CRTAM: variants seen among roughly 807,000 people sequenced by gnomAD.
CRTAM encodes the protein cytotoxic and regulatory T cell molecule.
Under a neutral mutation model 50.0 loss-of-function variants are expected in CRTAM, and 44 were observed. That is an observed-to-expected ratio of 0.88 (90% CI 0.69 to 1.13). The LOEUF is 1.13. Ranked by LOEUF, CRTAM falls within the 50% of genes most tolerant of loss-of-function variation. The pLI is 0.00. For missense variants in CRTAM, 448 were observed against 457.5 expected, an observed-to-expected ratio of 0.98 and a Z score of 0.19; for synonymous variants, 159 against 169.3, an observed-to-expected ratio of 0.94 and a Z score of 0.47.
intron 6 of CRTAM, among the ~76,000 whole-genome samples, chr11:122,864,023 A>C (rs1422288298): frequency 1.3e-5 from 2 of 152,190 alleles, no homozygotes; most frequent in South Asian, 4.1e-4. Flanking sequence ...GATTTTTTAT[A>C]ATTTATCTTA....
chr11:122,844,695 A>G (rs1172525140), intron 1 of CRTAM, among the ~76,000 whole-genome samples: 1 of 152,228 alleles, frequency 6.6e-6, no homozygotes, highest in Non-Finnish European at 1.5e-5. Context: ...GTTGTCCTCT[A>G]GAAACTTCAG....
At chr11:122,841,991 T>C (rs1861804756) in intron 1 of CRTAM, among the ~76,000 whole-genome samples, 1 of 152,090 alleles carries the variant, frequency 6.6e-6, no homozygotes, top group Non-Finnish European at 1.5e-5. Context: ...GAGTCTTGAG[T>C]TGGGTCTTAA....
At chr11:122,846,748 A>G (rs142665155) in intron 1 of CRTAM, among the ~76,000 whole-genome samples, 2 of 152,324 alleles carry the variant, frequency 1.3e-5, no homozygotes, top group Non-Finnish European at 2.9e-5. Flanking sequence ...AGAACTCATT[A>G]TCACCATTTG....
rs542801975 is a variant in CRTAM, at chr11:122,872,467, A to T, written c.*1068A>T. 25 of 152,744 alleles carry T rather than the reference A, an allele frequency of 1.6e-4. No individual in the cohort carries two copies. The highest frequency in any genetic ancestry group is 5.8e-4 in the African/African-American group (24 of 41,546). The allele number at this position is 152,744 out of a possible 1,614,324, so 9.5% of individuals were successfully genotyped here. A position where few individuals can be genotyped will look rare whatever the true frequency, so the allele number is the denominator to read the frequency against. On this transcript the variant is annotated 3_prime_UTR_variant, in exon 10 of 10. Transcript: ENST00000227348. ...AATGTTTTAATAAAAAGCAGAATAG[A>T]TGTTTGTTTTTCTAGTGGTTATACC... is the stretch of plus-strand genomic sequence containing the variant.
chr11:122,850,182 C>T lies in CRTAM; in HGVS notation c.161C>T (p.Ser54Leu). 2.5e-6 allele frequency: 4 copies of T among 1,611,072 alleles called. No homozygotes were observed. Among genetic ancestry groups the T allele is most frequent in the South Asian group, 1.1e-5 (1 of 90,844 alleles). ...KNSSLQWLTP[S>L]GFTIFLNEYP... is the part of the protein sequence containing the mutation. ...TCCTCCCTCCAGTGGCTGACCCCCT[C>T]AGGGTTCACCATTTTTTTAAATGAG... The change falls in exon 2 of 10, where the codon TCA becomes TTA. Residue 54 changes from serine to leucine, a missense_variant. Transcript: ENST00000227348.
At chr11:122,846,953 G>C (rs1281176620) in intron 1 of CRTAM, among the ~76,000 whole-genome samples, 2 of 152,158 alleles carry the variant, frequency 1.3e-5, no homozygotes, top group Admixed American at 6.5e-5. Flanking sequence ...GAGCTACAAG[G>C]CTTTGTCTTT....
chr11:122,840,740 A>G (rs971412120), intron 1 of CRTAM, among the ~76,000 whole-genome samples: 1 of 152,110 alleles, frequency 6.6e-6, no homozygotes, highest in Non-Finnish European at 1.5e-5. Flanking sequence ...AGCAAATTAA[A>G]TTATGGGAAG....
rs759062648 is a variant in CRTAM, at chr11:122,871,317, A to C, written c.1100A>C (p.Glu367Ala). Residue 367 changes from glutamate to alanine, a missense_variant, in exon 10 of 10, where the codon GAA becomes GCA. Glu to Ala is a moderately radical substitution (Grantham distance 107). Coordinates refer to ENST00000227348, the MANE Select transcript of CRTAM (RefSeq NM_019604.4). Reference sequence around the variant, plus strand: ...AACTACATCACAAAGTTGTACTCAGAAGCAAAAACAAAGAGGAAGGAAAAT... The same window carrying C: ...AACTACATCACAAAGTTGTACTCAGCAGCAAAAACAAAGAGGAAGGAAAAT... ...CMNYITKLYS[E>A]AKTKRKENVQ... 4 of 1,613,804 alleles carry C rather than the reference A, an allele frequency of 2.5e-6. No homozygotes were observed. The highest frequency in any genetic ancestry group is 3.4e-6 in the Non-Finnish European group (4 of 1,179,820).
chr11:122,849,199 T>C (rs897383401), intron 1 of CRTAM, among the ~76,000 whole-genome samples: 1 of 152,204 alleles, frequency 6.6e-6, no homozygotes, highest in African/African-American at 2.4e-5. Flanking sequence ...TTCTTAGAAT[T>C]CTAGACACAC....
intron 7 of CRTAM, among the ~76,000 whole-genome samples, chr11:122,865,960 A>G (rs993768169): frequency 1.3e-5 from 2 of 152,138 alleles, no homozygotes; most frequent in Non-Finnish European, 2.9e-5. Context: ...GGCTCTCATC[A>G]TCTCCTGCAT....
chr11:122,865,834 A>G (rs769712337), intron 7 of CRTAM, among the ~76,000 whole-genome samples: 2 of 152,176 alleles, frequency 1.3e-5, no homozygotes, highest in Non-Finnish European at 2.9e-5. Flanking sequence ...AAATATATCT[A>G]TGTGTATATG....
intron 1 of CRTAM, among the ~76,000 whole-genome samples, chr11:122,849,555 C>A (rs556753802): frequency 6.6e-6 from 1 of 152,048 alleles, no homozygotes; most frequent in African/African-American, 2.4e-5. Flanking sequence ...AACCACGTCT[C>A]TACTAAAAAC....
intron 5 of CRTAM, chr11:122,862,202 G>A: frequency 2.0e-6 from 1 of 496,914 alleles, no homozygotes; most frequent in Non-Finnish European, 3.6e-6. Context: ...GATAGAAACA[G>A]TGAATACTCT....
intron 5 of CRTAM, among the ~76,000 whole-genome samples, chr11:122,858,299 G>A (rs944634708): frequency 4.0e-5 from 6 of 151,858 alleles, no homozygotes; most frequent in African/African-American, 1.2e-4. Flanking sequence ...GTCTTGGCTC[G>A]CTATAACCTC....
intron 7 of CRTAM, among the ~76,000 whole-genome samples, chr11:122,865,287 G>A (rs1227151463): frequency 1.3e-5 from 2 of 152,012 alleles, no homozygotes; most frequent in South Asian, 2.1e-4. Context: ...TGCCTGCCTC[G>A]GCCTCCCAAA....
chr11:122,840,874 G>A (rs1262886788), intron 1 of CRTAM, among the ~76,000 whole-genome samples: 1 of 151,760 alleles, frequency 6.6e-6, no homozygotes, highest in East Asian at 1.9e-4. Flanking sequence ...AATAGTCTTA[G>A]GACTGGTAAA....
chr11:122,851,899 A>G, intron 3 of CRTAM, 54 bp downstream of exon 3: 2 of 1,546,394 alleles, frequency 1.3e-6, no homozygotes, highest in East Asian at 2.3e-5. Flanking sequence ...GGAACACGAT[A>G]TGTCGTTTTT....
chr11:122,860,719 T>A (rs191876769), intron 5 of CRTAM, among the ~76,000 whole-genome samples: 2 of 152,276 alleles, frequency 1.3e-5, no homozygotes, highest in East Asian at 3.9e-4. Context: ...TTTTTAAAAT[T>A]TTGAGACAGG....
intron 1 of CRTAM, among the ~76,000 whole-genome samples, chr11:122,838,821 T>C (rs187491401): frequency 1.6e-4 from 24 of 152,350 alleles, no homozygotes; most frequent in African/African-American, 5.8e-4. Context: ...TTATAGTGTG[T>C]GTCTCTGTGG....
Sources: allele counts gnomAD v4.1 joint callset (sites outside exome capture counted in the v4.1 genomes callset), GRCh38; gene constraint gnomAD v4.1.1; transcripts MANE v1.5; gene names NCBI Gene and HGNC (gene_info 2026-07-23, HGNC 2026-07-21).